The following SCN2A variants were observed in gnomAD, a reference collection of about 807,000 sequenced individuals.
SCN2A encodes the protein sodium voltage-gated channel alpha subunit 2.
A neutral mutation model predicts 188.7 loss-of-function variants in SCN2A; 20 were observed. The ratio of observed to expected loss-of-function variants is 0.11; its 90% confidence interval spans 0.07 to 0.15. The LOEUF (loss-of-function observed/expected upper bound fraction) is 0.15. Ranked by LOEUF, SCN2A falls within the 10% of genes least tolerant of loss-of-function variation. The pLI, the probability that SCN2A is intolerant of heterozygous loss-of-function variation, is 1.00. For missense variants in SCN2A, 1,278 were observed against 2,445.0 expected, an observed-to-expected ratio of 0.52 and a Z score of 10.07; for synonymous variants, 804 against 833.1, an observed-to-expected ratio of 0.97 and a Z score of 0.60.
At chr2:165,246,676 T>C (rs1403749464) in intron 1 of SCN2A, among the ~76,000 whole-genome samples, 1 of 152,182 alleles carries the variant, frequency 6.6e-6, no homozygotes, top group African/African-American at 2.4e-5. Context: ...TTTTGTTTGG[T>C]TGGTTTTTTG....
At position 165,288,732 on chromosome 2, in the gene SCN2A, A is replaced by ATGTG. The variant is rs71977859; in HGVS notation, c.-51-7021_-51-7018dup. On this transcript the variant is annotated intron_variant, in intron 1 of 26. Coordinates refer to ENST00000375437, the MANE Select transcript of SCN2A (RefSeq NM_001040142.2). Reference sequence around the variant, plus strand: ...GTTAAAAAGAGAAGGATACATATACATGTGTGTGTGTGTGTGTGTGTGTAC... The same window carrying ATGTG: ...GTTAAAAAGAGAAGGATACATATACATGTGTGTGTGTGTGTGTGTGTGTGTGTAC... Among the ~76,000 whole-genome samples, 283 of 107,592 alleles carry ATGTG rather than the reference A, an allele frequency of 2.6e-3. 2 individuals carry two copies. Among genetic ancestry groups the ATGTG allele is most frequent in the East Asian group, 0.011 (51 of 4,654 alleles). 70.6% of individuals were successfully genotyped at this position (107,592 alleles called of 152,430 possible).
At chr2:165,245,407 A>G (rs1304982875) in intron 1 of SCN2A, 1 of 152,240 alleles carries the variant, frequency 6.6e-6, no homozygotes, top group African/African-American at 2.4e-5. Context: ...CCCTTCCGCC[A>G]TGATTGTAAA....
chr2:165,243,188 A>G (rs1210231787), intron 1 of SCN2A, among the ~76,000 whole-genome samples: 2 of 152,208 alleles, frequency 1.3e-5, no homozygotes, highest in African/African-American at 4.8e-5. Context: ...CATATCTATT[A>G]TACATATCTA....
Position 165,288,685 on chromosome 2 carries a change from A to G in SCN2A, c.-51-7088A>G, listed in dbSNP as rs368258040. Among the ~76,000 whole-genome samples the G allele has an allele frequency of 6.0e-4, 92 of 152,170 alleles. 1 individual carries two copies. The South Asian group carries it at 0.018, about 30-fold the overall frequency. On this transcript the variant is annotated intron_variant, in intron 1 of 26. Coordinates refer to ENST00000375437, the MANE Select transcript of SCN2A (RefSeq NM_001040142.2). ...CCCCATTATGGAAATTGTTAGTTACAGAAATGGGCTAGTGGATTCAGGTTA... is the reference window on the plus strand; with the variant it reads ...CCCCATTATGGAAATTGTTAGTTACGGAAATGGGCTAGTGGATTCAGGTTA...
Position 165,389,445 on chromosome 2 carries a change from A to G in SCN2A, c.5639A>G (p.Glu1880Gly). ...GEMDALRIQM[E>G]ERFMASNPSK... Reference sequence around the variant, plus strand: ...ATGGATGCCCTTCGAATACAGATGGAAGAGCGATTCATGGCATCAAACCCC... The same window carrying G: ...ATGGATGCCCTTCGAATACAGATGGGAGAGCGATTCATGGCATCAAACCCC... Residue 1880 changes from glutamate (E) to glycine (G), a missense_variant, in exon 27 of 27, where the codon GAA becomes GGA. By Grantham distance (98) the Glu-to-Gly change is moderately conservative. Coordinates refer to ENST00000375437, the MANE Select transcript of SCN2A (RefSeq NM_001040142.2). The surrounding 1 kb of genome is among the most constrained non-coding windows in gnomAD (Gnocchi z 4.2). 6.2e-7 allele frequency: 1 copy of G among 1,613,926 alleles called. No individual in the cohort carries two copies. The highest frequency in any genetic ancestry group is 8.5e-7 in the Non-Finnish European group (1 of 1,179,950).
rs1372392267 is a variant in SCN2A, at chr2:165,374,840, T to C, written c.4128T>C (p.Asp1376=). The change falls in exon 22 of 27, where the codon GAT becomes GAC. Residue 1376 remains aspartate (D), a synonymous_variant. Transcript: ENST00000375437. ...ATTACACCACTGGAGAGATGTTTGA[T>C]GTAAGCGTGGTCAACAACTACAGTG... ...CINYTTGEMF[D]VSVVNNYSEC... 1 of 1,613,638 alleles carries C rather than the reference T, an allele frequency of 6.2e-7. No individual in the cohort carries two copies. The highest frequency in any genetic ancestry group is 1.7e-5 in the Admixed American group (1 of 59,934).
chr2:165,374,116 T>C (rs1701188698), intron 21 of SCN2A, among the ~76,000 whole-genome samples: 1 of 152,104 alleles, frequency 6.6e-6, no homozygotes, highest in Non-Finnish European at 1.5e-5. Flanking sequence ...ATGAATGGTG[T>C]GTGTAGATGT....
chr2:165,388,672 T>C lies in SCN2A; in HGVS notation c.4866T>C (p.Pro1622=), dbSNP rs1343002813. The part of the protein sequence containing the change: ...AELIEKYFVS[P]TLFRVIRLAR... ...TGATAGAAAAGTATTTTGTGTCCCC[T>C]ACCCTGTTCCGAGTGATCCGTCTTG... The change falls in exon 27 of 27, where the codon CCT becomes CCC. Residue 1622 remains proline (P), a synonymous_variant. Transcript: ENST00000375437. 1 of 1,613,906 alleles carries C rather than the reference T, an allele frequency of 6.2e-7. No homozygotes were observed. The highest frequency in any genetic ancestry group is 2.2e-5 in the East Asian group (1 of 44,896).
At chr2:165,290,013 T>C (rs182286147) in intron 1 of SCN2A, among the ~76,000 whole-genome samples, 13 of 152,292 alleles carry the variant, frequency 8.5e-5, no homozygotes, top group Admixed American at 4.6e-4. Context: ...CCCTACTCTT[T>C]CCAGTTGTGA....
chr2:165,346,579 T>A (rs1186142116), intron 16 of SCN2A, among the ~76,000 whole-genome samples: 1 of 152,092 alleles, frequency 6.6e-6, no homozygotes, highest in African/African-American at 2.4e-5. Context: ...CCAAAAGCAA[T>A]GGTAACAAAA....
intron 1 of SCN2A, among the ~76,000 whole-genome samples, chr2:165,291,444 TTC>T (rs201339259): frequency 3.8e-5 from 1 of 26,026 alleles, no homozygotes; most frequent in Non-Finnish European, 9.4e-5. Context: ...TTCTCTTTCT[TTC>T]TTTCTTTCTT....
In SCN2A at chr2:165,343,500, A is replaced by C. The variant is rs530173251; in HGVS notation, c.2562+1031A>C. 2.0e-5 allele frequency among the ~76,000 whole-genome samples: 3 copies of C among 152,340 alleles called. No homozygotes were observed. The East Asian group carries it at 5.8e-4, about 29-fold the overall frequency. ...GATGCAGTTAAGGGAAATAGGAAGCATAGTATCACTAGAATCTTACTTAGT... is the reference window on the plus strand; with the variant it reads ...GATGCAGTTAAGGGAAATAGGAAGCCTAGTATCACTAGAATCTTACTTAGT... On this transcript the variant is annotated intron_variant, in intron 15 of 26. Coordinates refer to ENST00000375437, the MANE Select transcript of SCN2A (RefSeq NM_001040142.2).
At chr2:165,259,415 A>C (rs972250373) in intron 1 of SCN2A, among the ~76,000 whole-genome samples, 2 of 152,258 alleles carry the variant, frequency 1.3e-5, no homozygotes, top group Admixed American at 1.3e-4. Flanking sequence ...CCTGTTTGAT[A>C]GCATTTTACC....
At chr2:165,284,182 A>T (rs528952260) in intron 1 of SCN2A, among the ~76,000 whole-genome samples, 369 of 151,350 alleles carry the variant, frequency 2.4e-3, no homozygotes, top group Middle Eastern at 3.4e-3. Flanking sequence ...TTATTTATTT[A>T]TTTTTTGAGA....
At chr2:165,252,420 C>A (rs1446581) in intron 1 of SCN2A, among the ~76,000 whole-genome samples, 6,035 of 151,992 alleles carry the variant, frequency 0.04, 321 homozygotes, top group African/African-American at 0.12. Flanking sequence ...TTAAGATGAA[C>A]AAAACACTAC....
At chr2:165,354,791 C>A in intron 17 of SCN2A, 120 bp downstream of exon 17, 5 of 979,234 alleles carry the variant, frequency 5.1e-6, no homozygotes, top group Non-Finnish European at 7.5e-6. Flanking sequence ...ATCTGTCTAG[C>A]AATATATTTT....
chr2:165,326,982 A>C lies in SCN2A; in HGVS notation c.2147A>C (p.Glu716Ala). ...SIASILTNTM[E>A]ELEESRQKCP... The stretch of plus-strand genomic sequence containing the variant: ...GCCAGTATTTTGACCAACACCATGG[A>C]AGGTATGTTAAAAGTCCTGCGTCAC... Residue 716 changes from glutamate (E) to alanine (A), a missense_variant and splice_region_variant, in exon 13 of 27, where the codon GAA becomes GCA. Glu to Ala is a moderately radical substitution (Grantham distance 107, BLOSUM62 -1). Coordinates refer to ENST00000375437, the MANE Select transcript of SCN2A (RefSeq NM_001040142.2). The C allele has an allele frequency of 6.2e-7, 1 of 1,613,900 alleles. No homozygotes were observed. Among genetic ancestry groups the C allele is most frequent in the Non-Finnish European group, 8.5e-7 (1 of 1,179,838 alleles).
At chr2:165,296,179 C>T (rs1696500424) in intron 2 of SCN2A, 89 bp downstream of exon 2, 1 of 1,254,804 alleles carries the variant, frequency 8.0e-7, no homozygotes, top group South Asian at 1.2e-5. Context: ...GGCTGGCCTC[C>T]TTCCCTCTGT....
intron 3 of SCN2A, 91 bp downstream of exon 3, chr2:165,297,226 T>G (rs1696556476): frequency 1.3e-6 from 1 of 766,570 alleles, no homozygotes; most frequent in Non-Finnish European, 2.3e-6. Flanking sequence ...TGGTTGGCAA[T>G]GTTATGTGTT....
Sources: gnomAD v4.1 joint callset for allele counts (sites outside exome capture counted in the v4.1 genomes callset) on GRCh38, gnomAD v4.1.1 for gene constraint, Gnocchi (gnomAD v3.1) non-coding constraint, MANE v1.5 for transcripts, NCBI Gene and HGNC (gene_info 2026-07-23, HGNC 2026-07-21) for gene names.